PRKAR1B: variants seen among roughly 807,000 people sequenced by gnomAD.
PRKAR1B encodes cAMP-dependent protein kinase type I-beta regulatory subunit.
Under a neutral mutation model 46.5 loss-of-function variants are expected in PRKAR1B, and 22 were observed. The ratio of observed to expected loss-of-function variants is 0.47; its 90% CI spans 0.34 to 0.68. PRKAR1B has a LOEUF of 0.68. Among genes scored for constraint, PRKAR1B ranks in the 30% least tolerant of loss-of-function variants. The pLI, the probability that PRKAR1B is intolerant of heterozygous loss-of-function variation, is 0.01. For missense variants in PRKAR1B, 445 were observed against 535.6 expected (o/e 0.83, Z 1.67); for synonymous variants, 259 against 217.7 (o/e 1.19, Z -1.67).
chr7:687,712 G>A (rs1008355894), intron 2 of PRKAR1B, among the ~76,000 whole-genome samples: 2 of 152,128 alleles, frequency 1.3e-5, no homozygotes, highest in African/African-American at 4.8e-5. Flanking sequence ...GATTCAACAA[G>A]AACACAAACT....
At position 691,780 on chromosome 7, in the gene PRKAR1B, C is replaced by T. The variant is rs1010767296; in HGVS notation, c.178-11054G>A. The T allele has an allele frequency of 5.9e-6, 7 of 1,194,524 alleles. No homozygotes were observed. The Admixed American group carries it at 2.4e-4, about 41-fold the overall frequency. 74.0% of individuals were successfully genotyped at this position (1,194,524 alleles called of 1,614,324 possible). A position where few individuals can be genotyped will look rare whatever the true frequency, so the allele number is the denominator to read the frequency against. ...GACCACAGGGCTCTACAAACACCGGCAATCACCTCCTGCGGAGGACGGCGC... is the reference window on the plus strand; with the variant it reads ...GACCACAGGGCTCTACAAACACCGGTAATCACCTCCTGCGGAGGACGGCGC... On this transcript the variant is annotated intron_variant, in intron 2 of 10. Coordinates refer to ENST00000537384, the MANE Select transcript of PRKAR1B (RefSeq NM_001164760.2).
chr7:573,974 C>T (rs866105161), intron 9 of PRKAR1B, among the ~76,000 whole-genome samples: 11 of 152,344 alleles, frequency 7.2e-5, no homozygotes, highest in African/African-American at 4.8e-5. Flanking sequence ...GCTCCCAGGA[C>T]GCCCGGCACA....
At chr7:605,823 T>C (rs142400374) in intron 6 of PRKAR1B, among the ~76,000 whole-genome samples, 2,715 of 152,256 alleles carry the variant, frequency 0.018, 77 homozygotes, top group African/African-American at 0.06. Flanking sequence ...CACTTTGAGA[T>C]GTTAACATCC....
chr7:683,389 T>C (rs1778810438), intron 2 of PRKAR1B, among the ~76,000 whole-genome samples: 1 of 152,116 alleles, frequency 6.6e-6, no homozygotes, highest in South Asian at 2.1e-4. Context: ...CCATTTAAAG[T>C]CAGCCAGGTG....
chr7:728,858 G>A (rs142411956), upstream of PRKAR1B, among the ~76,000 whole-genome samples: 3 of 152,248 alleles, frequency 2.0e-5, no homozygotes, highest in East Asian at 1.9e-4. Context: ...CTCTGGTCTC[G>A]GTCACACTGG....
At chr7:616,935 A>C (rs1782855682) in intron 4 of PRKAR1B, among the ~76,000 whole-genome samples, 1 of 151,720 alleles carries the variant, frequency 6.6e-6, no homozygotes. Context: ...TTAAACAACA[A>C]GGAAAGTTTG....
intron 4 of PRKAR1B, among the ~76,000 whole-genome samples, chr7:622,576 T>C (rs769013089): frequency 1.3e-5 from 2 of 152,160 alleles, no homozygotes; most frequent in Non-Finnish European, 2.9e-5. Context: ...TTGAAAATCT[T>C]TGAACCTTCC....
At chr7:685,135 C>G (rs1778930666) in intron 2 of PRKAR1B, among the ~76,000 whole-genome samples, 1 of 149,082 alleles carries the variant, frequency 6.7e-6, no homozygotes. Context: ...ATACACATAA[C>G]AGTAGGAAGA....
intron 4 of PRKAR1B, among the ~76,000 whole-genome samples, chr7:647,452 G>A (rs1452849073): frequency 5.3e-5 from 8 of 151,740 alleles, no homozygotes; most frequent in African/African-American, 9.7e-5. Context: ...CACTCCGTCC[G>A]GTCTTTAATC....
At chr7:726,655 C>A in intron 1 of PRKAR1B, 2 of 1,156,084 alleles carry the variant, frequency 1.7e-6, no homozygotes, top group Non-Finnish European at 2.2e-6. Context: ...ACCGGAAGTG[C>A]TGCCGTAATC....
intron 4 of PRKAR1B, among the ~76,000 whole-genome samples, chr7:610,657 C>A (rs1202495471): frequency 1.3e-5 from 2 of 152,176 alleles, no homozygotes; most frequent in Non-Finnish European, 2.9e-5. Flanking sequence ...CTGTCCATGT[C>A]CCCCCCGCAC....
intron 2 of PRKAR1B, among the ~76,000 whole-genome samples, chr7:692,475 A>G (rs187006434): frequency 1.3e-5 from 2 of 152,216 alleles, no homozygotes; most frequent in Admixed American, 1.3e-4. Flanking sequence ...AGAGAAGAGA[A>G]GAGAGAGAAG....
intron 4 of PRKAR1B, among the ~76,000 whole-genome samples, chr7:634,994 C>G (rs951292898): frequency 1.3e-5 from 2 of 152,206 alleles, no homozygotes; most frequent in East Asian, 1.9e-4. Flanking sequence ...TAACAGTATG[C>G]GAATGTAGAA....
rs976957924 is a variant in PRKAR1B, at chr7:602,956, C to T, written c.549+3237G>A. ...ATCCTGACCCGTCCACCACCCTCCT[C>T]GAGACACGACAAGTTAGGCGGGAAC... is the stretch of plus-strand genomic sequence containing the variant. On this transcript the variant is annotated intron_variant, in intron 6 of 10. Transcript: ENST00000537384. The surrounding 1 kb of genome is among the most constrained non-coding windows in gnomAD (Gnocchi z 6.4). 1.6e-4 allele frequency among the ~76,000 whole-genome samples: 24 copies of T among 152,262 alleles called. No individual in the cohort carries two copies. The highest frequency in any genetic ancestry group is 5.5e-4 in the African/African-American group (23 of 41,552).
At chr7:647,575 G>C (rs1784681161) in intron 4 of PRKAR1B, among the ~76,000 whole-genome samples, 1 of 151,998 alleles carries the variant, frequency 6.6e-6, no homozygotes, top group African/African-American at 2.4e-5. Context: ...GGGGGGCCGA[G>C]ACAAGTGGAT....
intron 4 of PRKAR1B, among the ~76,000 whole-genome samples, chr7:622,967 T>C (rs1433444267): frequency 6.6e-6 from 1 of 152,140 alleles, no homozygotes; most frequent in East Asian, 1.9e-4. Flanking sequence ...ATTTAAACCT[T>C]AGGTCAATGT....
intron 4 of PRKAR1B, among the ~76,000 whole-genome samples, chr7:665,822 T>A (rs1473007615): frequency 6.6e-6 from 1 of 152,062 alleles, no homozygotes; most frequent in Non-Finnish European, 1.5e-5. Flanking sequence ...GTTTTTCCCA[T>A]CACCTGAGGA....
intron 1 of PRKAR1B, among the ~76,000 whole-genome samples, chr7:718,297 T>C (rs866286151): frequency 1.9e-3 from 246 of 127,922 alleles, no homozygotes; most frequent in African/African-American, 2.7e-3. Flanking sequence ...CACACACACA[T>C]ACACATATAT....
At chr7:632,617 G>C (rs1783820254) in intron 4 of PRKAR1B, among the ~76,000 whole-genome samples, 1 of 152,220 alleles carries the variant, frequency 6.6e-6, no homozygotes, top group Non-Finnish European at 1.5e-5. Context: ...AGGCCTTCAG[G>C]ACACTGCGGC....
Sources: gnomAD v4.1 joint callset for allele counts (sites outside exome capture counted in the v4.1 genomes callset) on GRCh38, gnomAD v4.1.1 for gene constraint, Gnocchi (gnomAD v3.1) non-coding constraint, MANE v1.5 for transcripts, NCBI Gene and HGNC (gene_info 2026-07-23, HGNC 2026-07-21) for gene names.